SLC35F3: variants seen among roughly 807,000 people sequenced by gnomAD.
The protein encoded by SLC35F3 is putative thiamine transporter SLC35F3.
In SLC35F3, 25 loss-of-function variants were observed where a neutral mutation model predicts 49.9. That is an observed-to-expected ratio of 0.50 (90% confidence interval 0.37 to 0.70). SLC35F3 has a LOEUF of 0.70. SLC35F3 is among the 30% of genes least tolerant of loss of function. The pLI, the probability that SLC35F3 is intolerant of heterozygous loss-of-function variation, is 0.00. For missense variants in SLC35F3, 525 were observed against 639.8 expected (o/e 0.82, Z 1.94); for synonymous variants, 275 against 265.4 (o/e 1.04, Z -0.35).
At chr1:233,964,057 A>G (rs1376634851) in intron 2 of SLC35F3, among the ~76,000 whole-genome samples, 2 of 152,182 alleles carry the variant, frequency 1.3e-5, no homozygotes, top group Non-Finnish European at 2.9e-5. Flanking sequence ...AACTTTTCAA[A>G]GTGCCTCTGG....
chr1:234,092,404 A>AC (rs1185568904), intron 2 of SLC35F3, among the ~76,000 whole-genome samples: 4 of 151,576 alleles, frequency 2.6e-5, no homozygotes, highest in Admixed American at 2.6e-4. Context: ...CCCCTCTCCC[A>AC]CCCCCTCCTA....
chr1:234,157,746 C>T (rs1350919388), intron 2 of SLC35F3, among the ~76,000 whole-genome samples: 1 of 152,116 alleles, frequency 6.6e-6, no homozygotes, highest in Non-Finnish European at 1.5e-5. Context: ...GCTGGTGGCT[C>T]ACGTGCAGAA....
intron 2 of SLC35F3, among the ~76,000 whole-genome samples, chr1:234,119,226 CT>C (rs1665537564): frequency 6.6e-6 from 1 of 151,802 alleles, no homozygotes; most frequent in Non-Finnish European, 1.5e-5. Flanking sequence ...CACACAAATG[CT>C]TTGCTGCCTG....
chr1:234,146,214 T>G lies in SLC35F3; in HGVS notation c.284-85203T>G, dbSNP rs77380886. Among the ~76,000 whole-genome samples, 464 of 152,196 alleles carry G rather than the reference T, an allele frequency of 3.0e-3. 1 individual carries two copies. The highest frequency in any genetic ancestry group is 5.4e-3 in the Non-Finnish European group (367 of 67,994). On this transcript the variant is annotated intron_variant, in intron 2 of 7. Coordinates refer to ENST00000366618, the MANE Select transcript of SLC35F3 (RefSeq NM_173508.4). ...CTCCTGAATTCCACTGCATAAATTT[T>G]CTTCATGTTCTTCTGATGGAATAAT...
intron 2 of SLC35F3, among the ~76,000 whole-genome samples, chr1:234,170,468 C>T (rs534346226): frequency 3.7e-4 from 57 of 152,118 alleles, no homozygotes; most frequent in African/African-American, 1.3e-3. Flanking sequence ...TGTCCTTAGG[C>T]GGCTTCTTGG....
At chr1:234,258,131 C>T (rs10797536) in intron 3 of SLC35F3, among the ~76,000 whole-genome samples, 8 of 151,996 alleles carry the variant, frequency 5.3e-5, no homozygotes, top group African/African-American at 1.2e-4. Context: ...TCAGCCTCCC[C>T]GAAAGCTTGG....
In SLC35F3 at chr1:233,922,985, C is replaced by G. The variant is rs144731450; in HGVS notation, c.283+17227C>G. 6.8e-3 allele frequency among the ~76,000 whole-genome samples: 1,032 copies of G among 152,232 alleles called. 13 individuals are homozygous for G. Among genetic ancestry groups the G allele is most frequent in the Middle Eastern group, 0.031 (9 of 294 alleles). On this transcript the variant is annotated intron_variant, in intron 2 of 7. Coordinates refer to ENST00000366618, the MANE Select transcript of SLC35F3 (RefSeq NM_173508.4). ...ATGTGTGGTATTATTTCTGAGGGCT[C>G]TATTATGTACCATTGGTCTATATCC...
intron 3 of SLC35F3, among the ~76,000 whole-genome samples, chr1:234,235,640 T>C (rs749292892): frequency 1.3e-5 from 2 of 152,240 alleles, no homozygotes; most frequent in Non-Finnish European, 2.9e-5. Context: ...AAGCAAATGC[T>C]GAGACCTTCT....
At chr1:234,035,016 G>T (rs1306806145) in intron 2 of SLC35F3, among the ~76,000 whole-genome samples, 2 of 152,032 alleles carry the variant, frequency 1.3e-5, no homozygotes, top group Non-Finnish European at 2.9e-5. Flanking sequence ...ATTTGTCTTC[G>T]TAGGTAAATC....
intron 3 of SLC35F3, chr1:234,261,810 G>A (rs1338429945): frequency 6.6e-6 from 1 of 152,190 alleles, no homozygotes; most frequent in Non-Finnish European, 1.5e-5. Flanking sequence ...GGAGTGAGGT[G>A]TTATTATTTA....
chr1:234,028,201 T>C (rs1664005622), intron 2 of SLC35F3, among the ~76,000 whole-genome samples: 2 of 152,178 alleles, frequency 1.3e-5, no homozygotes, highest in Non-Finnish European at 2.9e-5. Context: ...GGGCCCATCT[T>C]CCACCTCTGT....
At chr1:233,938,366 C>G (rs1364215070) in intron 2 of SLC35F3, among the ~76,000 whole-genome samples, 1 of 152,040 alleles carries the variant, frequency 6.6e-6, no homozygotes, top group Non-Finnish European at 1.5e-5. Context: ...TATGGTCTTT[C>G]TGTGGCTCTC....
At chr1:234,042,707 C>G (rs1240410803) in intron 2 of SLC35F3, among the ~76,000 whole-genome samples, 1 of 152,120 alleles carries the variant, frequency 6.6e-6, no homozygotes, top group Non-Finnish European at 1.5e-5. Flanking sequence ...TCATTTCCTT[C>G]GAGAGTTTAT....
At chr1:234,181,338 GAAAAA>G (rs34757532) in intron 2 of SLC35F3, among the ~76,000 whole-genome samples, 1 of 97,310 alleles carries the variant, frequency 1.0e-5, no homozygotes, top group South Asian at 3.0e-4. Flanking sequence ...TCTGTCTCAA[GAAAAA>G]AAAAAAAAAA....
chr1:234,298,265 G>T (rs1372778869), intron 3 of SLC35F3, among the ~76,000 whole-genome samples: 1 of 152,204 alleles, frequency 6.6e-6, no homozygotes, highest in African/African-American at 2.4e-5. Context: ...GTTTTATAGA[G>T]GGTGTCTGGG....
intron 2 of SLC35F3, among the ~76,000 whole-genome samples, chr1:234,001,336 C>T (rs10910325): frequency 0.014 from 2,130 of 152,332 alleles, 43 homozygotes; most frequent in African/African-American, 0.048. Context: ...ACAAGCAACA[C>T]TTACTTAAAT....
intron 4 of SLC35F3, among the ~76,000 whole-genome samples, chr1:234,314,912 C>G (rs1375092920): frequency 1.3e-5 from 2 of 152,196 alleles, no homozygotes; most frequent in Non-Finnish European, 2.9e-5. Flanking sequence ...CCTGACAGCC[C>G]CCTTGCATTA....
Position 233,904,943 on chromosome 1 carries a change from G to A in SLC35F3, c.-135G>A. Reference sequence around the variant, plus strand: ...CGCGCGGGCGCGCACAAAGCGGCCCGGGGCGGCCGGCGCGGCGCAGACCCT... The same window carrying A: ...CGCGCGGGCGCGCACAAAGCGGCCCAGGGCGGCCGGCGCGGCGCAGACCCT... On this transcript the variant is annotated 5_prime_UTR_variant, in exon 1 of 8. Transcript: ENST00000366618. 3 of 990,414 alleles carry A rather than the reference G, an allele frequency of 3.0e-6. No individual in the cohort carries two copies. Among genetic ancestry groups the A allele is most frequent in the Non-Finnish European group, 4.3e-6 (3 of 704,044 alleles). 61.4% of individuals were successfully genotyped at this position (990,414 alleles called of 1,614,324 possible). A position where few individuals can be genotyped will look rare whatever the true frequency, so the allele number is the denominator to read the frequency against.
chr1:234,026,170 C>T (rs1017795081), intron 2 of SLC35F3, among the ~76,000 whole-genome samples: 2 of 152,068 alleles, frequency 1.3e-5, no homozygotes, highest in African/African-American at 2.4e-5. Flanking sequence ...TATTTTTGTA[C>T]CAGTACCATG....
Sources: allele counts gnomAD v4.1 joint callset (sites outside exome capture counted in the v4.1 genomes callset), GRCh38; gene constraint gnomAD v4.1.1; transcripts MANE v1.5; gene names NCBI Gene and HGNC (gene_info 2026-07-23, HGNC 2026-07-21).